The following ZNF570 variants were observed in gnomAD, a reference collection of about 807,000 sequenced individuals.
ZNF570 encodes zinc finger protein 570.
In ZNF570, 8 loss-of-function variants were observed where a neutral mutation model predicts 14.2. The ratio of observed to expected loss-of-function variants is 0.56; its 90% CI spans 0.33 to 1.02. ZNF570 has a LOEUF of 1.02. ZNF570 is among the 50% of genes least tolerant of loss of function. The probability of loss-of-function intolerance (pLI) is 0.03; values close to 1 mark genes in which losing one functional copy is unlikely to be tolerated. For missense variants in ZNF570, 559 were observed against 624.9 expected (o/e 0.89, Z 1.12); for synonymous variants, 202 against 207.6 (o/e 0.97, Z 0.23).
chr19:37,483,840 T>C (rs2042113502), intron 4 of ZNF570, 39 bp from the exon 5 acceptor site: 1 of 1,532,178 alleles, frequency 6.5e-7, no homozygotes, highest in Non-Finnish European at 8.7e-7. Flanking sequence ...TTTCTGATAC[T>C]CAATAGAGGA....
In ZNF570 at chr19:37,485,137, A is replaced by T; in HGVS notation, c.1515A>T (p.Lys505Asn). 1.2e-6 allele frequency: 2 copies of T among 1,611,746 alleles called. No homozygotes were observed. Among genetic ancestry groups the T allele is most frequent in the East Asian group, 2.2e-5 (1 of 44,856 alleles). ...CCTATGAATGTAAGGAATGCAAAAA[A>T]ACCTTCAGGCAGCATGCACACCTTG... is the stretch of plus-strand genomic sequence containing the variant. ...ERPYECKECK[K>N]TFRQHAHLAH... Residue 505 changes from lysine (K) to asparagine (N), a missense_variant, in exon 5 of 5, where the codon AAA (lysine) becomes AAT (asparagine). Coordinates refer to ENST00000330173, the MANE Select transcript of ZNF570 (RefSeq NM_144694.5).
chr19:37,486,331 C>T lies in ZNF570; in HGVS notation c.*1098C>T, dbSNP rs1185338540. On this transcript the variant is annotated 3_prime_UTR_variant, in exon 5 of 5. Coordinates refer to ENST00000330173, the MANE Select transcript of ZNF570 (RefSeq NM_144694.5). ...TTGAGCAATTTGCTTATCTAAACCT[C>T]AGGGTTTTCTTTAAATCTTAAAATA... 3.3e-5 allele frequency: 5 copies of T among 152,132 alleles called. No homozygotes were observed. The highest frequency in any genetic ancestry group is 9.7e-5 in the African/African-American group (4 of 41,422). The allele number at this position is 152,132 out of a possible 1,614,324, so 9.4% of individuals were successfully genotyped here. A position where few individuals can be genotyped will look rare whatever the true frequency, so the allele number is the denominator to read the frequency against.
chr19:37,469,710 C>A (rs1223468252), intron 1 of ZNF570, 153 bp downstream of exon 1: 2 of 786,276 alleles, frequency 2.5e-6, no homozygotes, highest in African/African-American at 3.5e-5. Flanking sequence ...GGCCGATACC[C>A]GCGGCTTCTT....
Position 37,469,376 on chromosome 19 carries a change from G to A in ZNF570, c.-233G>A. 6.9e-7 allele frequency: 1 copy of A among 1,451,968 alleles called. No homozygotes were observed. The highest frequency in any genetic ancestry group is 1.4e-5 in the South Asian group (1 of 72,124). 89.9% of individuals were successfully genotyped at this position (1,451,968 alleles called of 1,614,324 possible). A position where few individuals can be genotyped will look rare whatever the true frequency, so the allele number is the denominator to read the frequency against. On this transcript the variant is annotated 5_prime_UTR_variant, in exon 1 of 5. Coordinates refer to ENST00000330173, the MANE Select transcript of ZNF570 (RefSeq NM_144694.5). ...GAGGCGCTTCTTTCCGGGCCCGTAA[G>A]GGCTGGGTTCCATCCAACTAAGGGT...
chr19:37,468,228 A>G (rs1158037259), upstream of ZNF570, among the ~76,000 whole-genome samples: 4 of 151,608 alleles, frequency 2.6e-5, no homozygotes, highest in Admixed American at 6.6e-5. Context: ...TGGGACCACA[A>G]TCAAGGGACA....
Position 37,485,172 on chromosome 19 carries a change from A to G in ZNF570, c.1550A>G (p.Gln517Arg). 6.3e-7 allele frequency: 1 copy of G among 1,594,538 alleles called. No individual in the cohort carries two copies. Among genetic ancestry groups the G allele is most frequent in the Non-Finnish European group, 8.5e-7 (1 of 1,170,284 alleles). Residue 517 changes from glutamine to arginine, a missense_variant, in exon 5 of 5, where the codon CAG (glutamine) becomes CGG (arginine). Physicochemically the swap from Gln to Arg is conservative, Grantham distance 43 (BLOSUM62 1). Coordinates refer to ENST00000330173, the MANE Select transcript of ZNF570 (RefSeq NM_144694.5). ...FRQHAHLAHH[Q>R]RIHIGESLSP... The stretch of plus-strand genomic sequence containing the variant: ...CAGCATGCACACCTTGCTCATCACC[A>G]GAGAATTCACATTGGGGAGTCACTG...
At chr19:37,473,647 G>T (rs975765575) in intron 2 of ZNF570, among the ~76,000 whole-genome samples, 1 of 152,126 alleles carries the variant, frequency 6.6e-6, no homozygotes, top group Non-Finnish European at 1.5e-5. Context: ...CAAGGTCTGG[G>T]TTATGACCAT....
In ZNF570 at chr19:37,484,262, G is replaced by A. The variant is rs769940346; in HGVS notation, c.640G>A (p.Glu214Lys). Residue 214 changes from glutamate to lysine, a missense_variant, in exon 5 of 5, where the codon GAG (glutamate) becomes AAG (lysine). Physicochemically the swap from Glu to Lys is moderately conservative, Grantham distance 56 (BLOSUM62 1). Transcript: ENST00000330173. ...MAIKPKSVCAEKKLLKCNDCE... is the reference protein window; with the variant it reads ...MAIKPKSVCAKKKLLKCNDCE... ...TATTAAGCCCAAGAGTGTCTGTGCAGAGAAGAAACTTTTGAAATGTAATGA... is the reference window on the plus strand; with the variant it reads ...TATTAAGCCCAAGAGTGTCTGTGCAAAGAAGAAACTTTTGAAATGTAATGA... The A allele has an allele frequency of 5.0e-6, 8 of 1,613,360 alleles. No individual in the cohort carries two copies. Among genetic ancestry groups the A allele is most frequent in the Non-Finnish European group, 6.8e-6 (8 of 1,179,902 alleles).
chr19:37,470,262 G>A (rs1453603129), intron 1 of ZNF570, 42 bp from the exon 2 acceptor site: 2 of 1,584,606 alleles, frequency 1.3e-6, no homozygotes, highest in African/African-American at 2.7e-5. Context: ...TCTGGATGCT[G>A]CAAGAAAAGT....
At chr19:37,468,071 GTTTTTT>G, upstream of ZNF570, 1 of 585,988 alleles carries the variant, frequency 1.7e-6, no homozygotes, top group Non-Finnish European at 2.9e-6. Context: ...TGCCTTTCGT[GTTTTTT>G]TTTTTTTGTT....
chr19:37,470,454 T>G (rs554520639), intron 2 of ZNF570, 67 bp downstream of exon 2: 4 of 1,499,148 alleles, frequency 2.7e-6, no homozygotes, highest in African/African-American at 2.8e-5. Flanking sequence ...GTACTAATTT[T>G]CCTTCTGCTG....
chr19:37,469,042 C>A, upstream of ZNF570: 1 of 991,568 alleles, frequency 1.0e-6, no homozygotes, highest in Non-Finnish European at 1.2e-6. Context: ...GGGAGGCGCG[C>A]AGAGCGCTTG....
upstream of ZNF570, chr19:37,468,115 C>T: frequency 1.6e-6 from 1 of 629,730 alleles, no homozygotes; most frequent in East Asian, 2.8e-5. Flanking sequence ...GGCAGAGCCT[C>T]ACTTTGTTGC....
rs1380880586 is a variant in ZNF570 at position 37,485,832 on chromosome 19, C to G, written c.*599C>G. The G allele has an allele frequency of 6.6e-6, 1 of 152,172 alleles. No homozygotes were observed. The highest frequency in any genetic ancestry group is 2.0e-4 in the East Asian group (1 of 5,106). 9.4% of individuals were successfully genotyped at this position (152,172 alleles called of 1,614,324 possible). A position where few individuals can be genotyped will look rare whatever the true frequency, so the allele number is the denominator to read the frequency against. Reference sequence around the variant, plus strand: ...CCAAGGCAGGCAGATCACCCAAGGTCAGGAGTTTGAGACCAGCCAGACTAA... The same window carrying G: ...CCAAGGCAGGCAGATCACCCAAGGTGAGGAGTTTGAGACCAGCCAGACTAA... On this transcript the variant is annotated 3_prime_UTR_variant, in exon 5 of 5. Transcript: ENST00000330173.
At chr19:37,474,396 A>G (rs1182037534) in intron 2 of ZNF570, among the ~76,000 whole-genome samples, 1 of 152,174 alleles carries the variant, frequency 6.6e-6, no homozygotes, top group Non-Finnish European at 1.5e-5. Flanking sequence ...CCTATAATTA[A>G]GTAAGAAAAA....
intron 2 of ZNF570, among the ~76,000 whole-genome samples, chr19:37,473,086 G>T (rs563357689): frequency 6.6e-6 from 1 of 152,248 alleles, no homozygotes; most frequent in African/African-American, 2.4e-5. Flanking sequence ...GAGAAAATAA[G>T]ATTATCAGCT....
Position 37,488,421 on chromosome 19 carries a change from A to C in ZNF570, c.*3188A>C, listed in dbSNP as rs1357863007. 4 of 152,210 alleles carry C rather than the reference A, an allele frequency of 2.6e-5. No individual in the cohort carries two copies. Among genetic ancestry groups the C allele is most frequent in the African/African-American group, 9.6e-5 (4 of 41,462 alleles). The allele number at this position is 152,210 out of a possible 1,614,324, so 9.4% of individuals were successfully genotyped here. On this transcript the variant is annotated 3_prime_UTR_variant, in exon 5 of 5. Transcript: ENST00000330173. ...ATCTAAAAGAATTAATAAAATAATC[A>C]TCAGATTCAGAACAGTGGTGACCTG...
Position 37,485,358 on chromosome 19 carries a change from T to C in ZNF570, c.*125T>C. On this transcript the variant is annotated 3_prime_UTR_variant, in exon 5 of 5. Coordinates refer to ENST00000330173, the MANE Select transcript of ZNF570 (RefSeq NM_144694.5). ...CAAACAGGTTTTCCTGTATTTATTT[T>C]TGCTACCTTTAAATCCATTTCCCAC... 1 of 1,000,632 alleles carries C rather than the reference T, an allele frequency of 1.0e-6. No individual in the cohort carries two copies. Among genetic ancestry groups the C allele is most frequent in the Non-Finnish European group, 1.4e-6 (1 of 726,708 alleles). 62.0% of individuals were successfully genotyped at this position (1,000,632 alleles called of 1,614,324 possible). A position where few individuals can be genotyped will look rare whatever the true frequency, so the allele number is the denominator to read the frequency against.
chr19:37,486,511 A>G lies in ZNF570; in HGVS notation c.*1278A>G, dbSNP rs565612590. 1 of 152,322 alleles carries G rather than the reference A, an allele frequency of 6.6e-6. No individual in the cohort carries two copies. The highest frequency in any genetic ancestry group is 1.9e-4 in the East Asian group (1 of 5,190). The allele number at this position is 152,322 out of a possible 1,614,324, so 9.4% of individuals were successfully genotyped here. A position where few individuals can be genotyped will look rare whatever the true frequency, so the allele number is the denominator to read the frequency against. ...TATTCAATAAATGATAATAGCTAAC[A>G]TGTATTGAGTGCCCACTACACATCA... On this transcript the variant is annotated 3_prime_UTR_variant, in exon 5 of 5. Transcript: ENST00000330173.
Sources: allele counts gnomAD v4.1 joint callset (sites outside exome capture counted in the v4.1 genomes callset), GRCh38; gene constraint gnomAD v4.1.1; transcripts MANE v1.5; gene names NCBI Gene and HGNC (gene_info 2026-07-23, HGNC 2026-07-21).